STATH: variants seen among roughly 807,000 people sequenced by gnomAD.
STATH encodes the protein statherin.
STATH carries 11 observed loss-of-function variants against 13.3 expected under a neutral mutation model. The ratio of observed to expected loss-of-function variants is 0.83; its 90% confidence interval spans 0.52 to 1.37. STATH has a LOEUF of 1.37. STATH is among the 40% of genes most tolerant of loss of function. The pLI is 0.00. For synonymous variants in STATH, 25 were observed against 23.6 expected, an observed-to-expected ratio of 1.06 and a Z score of -0.17; for missense variants, 78 against 73.3, an observed-to-expected ratio of 1.06 and a Z score of -0.24.
Position 70,000,921 on chromosome 4 carries a change from A to G in STATH, c.161A>G (p.Gln54Arg), listed in dbSNP as rs2109683532. 1.2e-6 allele frequency: 2 copies of G among 1,612,108 alleles called. No homozygotes were observed. The highest frequency in any genetic ancestry group is 1.7e-6 in the Non-Finnish European group (2 of 1,178,524). ...PEQPLYPQPY[Q>R]PQYQQYTF ...CAACCACTATACCCACAACCATACC[A>G]ACCACAATACCAACAATATACCTTT... is the stretch of plus-strand genomic sequence containing the variant. The change falls in exon 5 of 6, where the codon CAA (glutamine) becomes CGA (arginine). Residue 54 changes from glutamine to arginine, a missense_variant. Physicochemically the swap from Gln to Arg is conservative, Grantham distance 43. Coordinates refer to ENST00000246895, the MANE Select transcript of STATH (RefSeq NM_003154.3).
intron 2 of STATH, among the ~76,000 whole-genome samples, chr4:69,999,415 A>T (rs906972016): frequency 1.3e-5 from 2 of 151,862 alleles, no homozygotes; most frequent in African/African-American, 4.8e-5. Flanking sequence ...ATAACCATTT[A>T]CTCCCTTTTA....
chr4:70,000,043 T>C, intron 4 of STATH: 1 of 522,114 alleles, frequency 1.9e-6, no homozygotes, highest in Non-Finnish European at 3.4e-6. Context: ...CCCTGAGCCC[T>C]CAAGTATCAT....
At position 69,999,059 on chromosome 4, in the gene STATH, C is replaced by T. The variant is rs1419629707; in HGVS notation, c.51+571C>T. The stretch of plus-strand genomic sequence containing the variant: ...ATGTATCACTAGGTAAAGCACTTGA[C>T]TTCTCTGGAGCTCTTTCTTCTACTC... On this transcript the variant is annotated intron_variant, in intron 2 of 5. Coordinates refer to ENST00000246895, the MANE Select transcript of STATH (RefSeq NM_003154.3). 4.5e-4 allele frequency: 68 copies of T among 152,338 alleles called. 1 individual carries two copies. The highest frequency in any genetic ancestry group is 4.4e-3 in the Admixed American group (67 of 15,236). 9.4% of individuals were successfully genotyped at this position (152,338 alleles called of 1,614,324 possible). A position where few individuals can be genotyped will look rare whatever the true frequency, so the allele number is the denominator to read the frequency against.
chr4:70,002,032 G>C (rs1021920060), intron 5 of STATH, among the ~76,000 whole-genome samples, 157 bp from the exon 6 acceptor site: 1 of 151,670 alleles, frequency 6.6e-6, no homozygotes, highest in Non-Finnish European at 1.5e-5. Flanking sequence ...TTTAATAATT[G>C]TTTAATTGTC....
At position 69,999,814 on chromosome 4, in the gene STATH, G is replaced by A. The variant is rs1320909852; in HGVS notation, c.102+5G>A. The A allele has an allele frequency of 3.7e-6, 6 of 1,611,760 alleles. No homozygotes were observed. The Admixed American group carries it at 8.4e-5, about 22-fold the overall frequency. On this transcript the variant is annotated splice_donor_5th_base_variant and intron_variant, in intron 4 of 5. Coordinates refer to ENST00000246895, the MANE Select transcript of STATH (RefSeq NM_003154.3). Reference sequence around the variant, plus strand: ...CGTAGAATTGGAAGATTCGGTGTAAGTGTTCTCTGATAATGCTGTGTAGTC... The same window carrying A: ...CGTAGAATTGGAAGATTCGGTGTAAATGTTCTCTGATAATGCTGTGTAGTC...
intron 5 of STATH, among the ~76,000 whole-genome samples, chr4:70,001,910 A>G (rs542968949): frequency 6.6e-6 from 1 of 151,948 alleles, no homozygotes; most frequent in Non-Finnish European, 1.5e-5. Flanking sequence ...GGAAATGCAT[A>G]TAAATGAAAT....
At chr4:70,001,799 C>A (rs974679261) in intron 5 of STATH, among the ~76,000 whole-genome samples, 2 of 151,618 alleles carry the variant, frequency 1.3e-5, no homozygotes, top group African/African-American at 4.8e-5. Flanking sequence ...TTCTCTATTG[C>A]CATTAGTGAT....
At chr4:69,996,358 C>T (rs1037092908) in intron 1 of STATH, among the ~76,000 whole-genome samples, 7 of 152,094 alleles carry the variant, frequency 4.6e-5, no homozygotes, top group African/African-American at 7.2e-5. Context: ...TACCTTTATT[C>T]GAAGTTCATA....
chr4:69,998,179 G>T (rs1385854068), intron 1 of STATH, among the ~76,000 whole-genome samples: 1 of 151,876 alleles, frequency 6.6e-6, no homozygotes, highest in Admixed American at 6.6e-5. Flanking sequence ...TATTCTCTTG[G>T]TCTGTGTAAG....
rs775519359 is a variant in STATH at position 70,000,931 on chromosome 4, C to T, written c.171C>T (p.Tyr57=). The T allele has an allele frequency of 1.4e-5, 22 of 1,611,822 alleles. 1 individual carries two copies. In the South Asian group the frequency reaches 2.4e-4, roughly 18 times the overall value. The change falls in exon 5 of 6, where the codon TAC becomes TAT. Residue 57 remains tyrosine, a synonymous_variant. Coordinates refer to ENST00000246895, the MANE Select transcript of STATH (RefSeq NM_003154.3). ...ACCCACAACCATACCAACCACAATA[C>T]CAACAATATACCTTTTAATATCATC... ...PLYPQPYQPQ[Y]QQYTF
chr4:69,998,592 T>C (rs1364555767), intron 2 of STATH, 104 bp downstream of exon 2: 1 of 952,196 alleles, frequency 1.1e-6, no homozygotes, highest in Non-Finnish European at 1.5e-6. Flanking sequence ...TGAATACAGC[T>C]TTATATGTTT....
intron 3 of STATH, 27 bp from the exon 4 acceptor site, chr4:69,999,753 T>C: frequency 6.2e-7 from 1 of 1,611,856 alleles, no homozygotes; most frequent in African/African-American, 1.3e-5. Context: ...TGTATTGAAT[T>C]ATTAAACTTT....
intron 2 of STATH, 124 bp from the exon 3 acceptor site, chr4:69,999,543 T>A: frequency 1.2e-6 from 1 of 846,696 alleles, no homozygotes; most frequent in South Asian, 1.7e-5. Flanking sequence ...ACTAATTTAG[T>A]GTCTATCGAT....
intron 2 of STATH, 149 bp downstream of exon 2, chr4:69,998,637 C>T: frequency 2.0e-6 from 1 of 512,516 alleles, no homozygotes; most frequent in East Asian, 3.0e-5. Context: ...TTGTACTAAC[C>T]TACATAAGCT....
In STATH at chr4:69,999,812, A is replaced by G. The variant is rs1174349259; in HGVS notation, c.102+3A>G. 1 of 1,611,888 alleles carries G rather than the reference A, an allele frequency of 6.2e-7. No homozygotes were observed. Among genetic ancestry groups the G allele is most frequent in the African/African-American group, 1.3e-5 (1 of 74,832 alleles). ...TGCGTAGAATTGGAAGATTCGGTGT[A>G]AGTGTTCTCTGATAATGCTGTGTAG... On this transcript the variant is annotated splice_donor_region_variant and intron_variant, in intron 4 of 5. Coordinates refer to ENST00000246895, the MANE Select transcript of STATH (RefSeq NM_003154.3).
chr4:69,996,058 C>G (rs1724494925), intron 1 of STATH, 33 bp downstream of exon 1: 1 of 152,044 alleles, frequency 6.6e-6, no homozygotes, highest in Non-Finnish European at 1.5e-5. Flanking sequence ...AATATGTTGT[C>G]TTAATCTAGA....
At position 69,998,797 on chromosome 4, in the gene STATH, G is replaced by C. The variant is rs151073882; in HGVS notation, c.51+309G>C. The C allele has an allele frequency of 3.5e-4, 68 of 197,024 alleles. 1 individual carries two copies. The East Asian group carries it at 7.6e-3, about 22-fold the overall frequency. 12.2% of individuals were successfully genotyped at this position (197,024 alleles called of 1,614,324 possible). A position where few individuals can be genotyped will look rare whatever the true frequency, so the allele number is the denominator to read the frequency against. Reference sequence around the variant, plus strand: ...GTATCTTTAAACATGTAATGCTCTAGACAATCTGAAGTTAGAAATCTCAGG... The same window carrying C: ...GTATCTTTAAACATGTAATGCTCTACACAATCTGAAGTTAGAAATCTCAGG... On this transcript the variant is annotated intron_variant, in intron 2 of 5. Coordinates refer to ENST00000246895, the MANE Select transcript of STATH (RefSeq NM_003154.3).
At chr4:69,998,562 G>T in intron 2 of STATH, 74 bp downstream of exon 2, 1 of 1,330,528 alleles carries the variant, frequency 7.5e-7, no homozygotes, top group East Asian at 2.3e-5. Flanking sequence ...CTTGTGTTCT[G>T]GCATATATTG....
At chr4:70,000,728 T>C in intron 4 of STATH, 135 bp from the exon 5 acceptor site, 2 of 658,032 alleles carry the variant, frequency 3.0e-6, no homozygotes, top group Non-Finnish European at 5.3e-6. Context: ...AAAAATCTAA[T>C]TGAAAGTTTG....
Sources: allele counts gnomAD v4.1 joint callset (sites outside exome capture counted in the v4.1 genomes callset), GRCh38; gene constraint gnomAD v4.1.1; transcripts MANE v1.5; gene names NCBI Gene and HGNC (gene_info 2026-07-23, HGNC 2026-07-21).